SMPD2: variants seen among roughly 807,000 people sequenced by gnomAD.
The protein encoded by SMPD2 is sphingomyelin phosphodiesterase 2, also known as N-SMase.
A neutral mutation model predicts 41.7 loss-of-function variants in SMPD2; 35 were observed. The ratio of observed to expected loss-of-function variants is 0.84; its 90% CI spans 0.64 to 1.11. SMPD2 has a LOEUF of 1.11. Among genes scored for constraint, SMPD2 ranks in the 50% most tolerant of loss-of-function variants. The pLI, the probability that SMPD2 is intolerant of heterozygous loss-of-function variation, is 0.00. For missense variants in SMPD2, 520 were observed against 524.8 expected (o/e 0.99, Z 0.09); for synonymous variants, 201 against 208.2 (o/e 0.97, Z 0.30).
chr6:109,443,715 G>A lies in SMPD2; in HGVS notation c.1082G>A (p.Ser361Asn), dbSNP rs772779104. 3.1e-6 allele frequency: 5 copies of A among 1,613,960 alleles called. No individual in the cohort carries two copies. The highest frequency in any genetic ancestry group is 4.2e-6 in the Non-Finnish European group (5 of 1,179,952). The change falls in exon 10 of 10, where the codon AGT (serine) becomes AAT (asparagine). Residue 361 changes from serine to asparagine, a missense_variant. Transcript: ENST00000258052. ...GCTGCCATACTGCTCTGGACCCCCA[G>A]TGTAGGGCTGGTGCTGTGGGCAGGT... ...GEAAILLWTP[S>N]VGLVLWAGAF... is the part of the protein sequence containing the mutation.
rs1775008233 is a variant in SMPD2, at chr6:109,442,994, C to A, written c.642C>A (p.Asn214Lys). ...TRDFKGSEEG[N>K]TMVPKNCYVS... ...TCCCTTAGGGCTCTGAGGAAGGCAA[C>A]ACAATGGTACCCAAGAACTGCTACG... Residue 214 changes from asparagine (N) to lysine (K), a missense_variant, in exon 8 of 10, where the codon AAC (asparagine) becomes AAA (lysine). Transcript: ENST00000258052. The A allele has an allele frequency of 6.2e-7, 1 of 1,614,196 alleles. No individual in the cohort carries two copies. Among genetic ancestry groups the A allele is most frequent in the African/African-American group, 1.3e-5 (1 of 75,058 alleles).
rs1447653860 is a variant in SMPD2, at chr6:109,442,582, G to C, written c.448G>C (p.Ala150Pro). Residue 150 changes from alanine to proline, a missense_variant, in exon 6 of 10, where the codon GCA becomes CCA. Transcript: ENST00000258052. ...CAATCGACAGAAGGACATCTACCTA[G>C]CACATCGTGTGGCCCAAGCTTGGGA... is the stretch of plus-strand genomic sequence containing the variant. ...EYNRQKDIYL[A>P]HRVAQAWELA... 1 of 1,614,140 alleles carries C rather than the reference G, an allele frequency of 6.2e-7. No individual in the cohort carries two copies. Among genetic ancestry groups the C allele is most frequent in the East Asian group, 2.2e-5 (1 of 44,874 alleles).
chr6:109,443,667 C>T lies in SMPD2; in HGVS notation c.1034C>T (p.Ala345Val), dbSNP rs754891794. The change falls in exon 10 of 10, where the codon GCG becomes GTG. Residue 345 changes from alanine to valine, a missense_variant. Coordinates refer to ENST00000258052, the MANE Select transcript of SMPD2 (RefSeq NM_003080.3). ...CTCCTGGCACTGCTGTGTGTCCTGGCGGCTGGAGGAGGGGCCGGGGAAGCT... is the reference window on the plus strand; with the variant it reads ...CTCCTGGCACTGCTGTGTGTCCTGGTGGCTGGAGGAGGGGCCGGGGAAGCT... ...LLLLALLCVL[A>V]AGGGAGEAAI... 37 of 1,612,704 alleles carry T rather than the reference C, an allele frequency of 2.3e-5. No homozygotes were observed. The highest frequency in any genetic ancestry group is 4.1e-5 in the African/African-American group (3 of 73,858).
In SMPD2 at chr6:109,443,523, CAG is replaced by C. The variant is rs1300382271; in HGVS notation, c.895_896del (p.Arg299ValfsTer29). 6.8e-6 allele frequency: 11 copies of C among 1,609,658 alleles called. No individual in the cohort carries two copies. Among genetic ancestry groups the C allele is most frequent in the Admixed American group, 3.3e-5 (2 of 59,886 alleles). ...CTGCCCTGCTCTGTTGTAGGACCAG[CAG>C]AGAGGTCGCCGTTGATGTGTGTGCT... is the stretch of plus-strand genomic sequence containing the variant. On this transcript the variant is annotated frameshift_variant, in exon 10 of 10. Transcript: ENST00000258052. LOFTEE classifies it low-confidence loss of function (END_TRUNC).
rs1238894106 is a variant in SMPD2, at chr6:109,442,198, TCCTG to T, written c.319-6_319-3del. ...GGCGGTGCCCTGAGTTTCTATCTCCTCCTGCCTGCAGATCCATCATGGTGACTGG... is the reference window on the plus strand; with the variant it reads ...GGCGGTGCCCTGAGTTTCTATCTCCTCCTGCAGATCCATCATGGTGACTGG... On this transcript the variant is annotated splice_region_variant and splice_polypyrimidine_tract_variant and intron_variant, in intron 4 of 9. Transcript: ENST00000258052. 10 of 1,613,792 alleles carry T rather than the reference TCCTG, an allele frequency of 6.2e-6. No homozygotes were observed. Among genetic ancestry groups the T allele is most frequent in the African/African-American group, 1.3e-5 (1 of 74,922 alleles).
chr6:109,441,219 C>A, intron 1 of SMPD2, 48 bp downstream of exon 1: 1 of 1,608,390 alleles, frequency 6.2e-7, no homozygotes, highest in Non-Finnish European at 8.5e-7. Flanking sequence ...TCCGTTCGCA[C>A]CCATGCAGCC....
intron 5 of SMPD2, 21 bp downstream of exon 5, chr6:109,442,320 C>G (rs755756820): frequency 3.7e-6 from 6 of 1,607,640 alleles, no homozygotes; most frequent in Non-Finnish European, 5.1e-6. Context: ...CTGGCAGTGC[C>G]TAGGGCTGGG....
At position 109,440,880 on chromosome 6, in the gene SMPD2, G is replaced by T. The variant is rs1041836725; in HGVS notation, c.-242G>T. On this transcript the variant is annotated 5_prime_UTR_variant, in exon 1 of 10. Coordinates refer to ENST00000258052, the MANE Select transcript of SMPD2 (RefSeq NM_003080.3). ...CGGCCCTTACCGAGCCTGGGCGCCC[G>T]GATTTCGGCAGCGGATCGCCTTTCC... The T allele has an allele frequency of 1.8e-6, 1 of 542,182 alleles. No homozygotes were observed. Among genetic ancestry groups the T allele is most frequent in the Non-Finnish European group, 3.2e-6 (1 of 314,040 alleles). 33.6% of individuals were successfully genotyped at this position (542,182 alleles called of 1,614,324 possible).
intron 9 of SMPD2, 29 bp from the exon 10 acceptor site, chr6:109,443,487 CT>C: frequency 6.2e-7 from 1 of 1,608,654 alleles, no homozygotes; most frequent in Non-Finnish European, 8.5e-7. Context: ...TCTTGACTCT[CT>C]CCTGCCCCAC....
chr6:109,441,234 T>A (rs1774862586), intron 1 of SMPD2, 63 bp downstream of exon 1: 3 of 1,595,524 alleles, frequency 1.9e-6, no homozygotes, highest in Non-Finnish European at 2.6e-6. Context: ...GCAGCCTTCC[T>A]CCCCCTATCC....
chr6:109,443,238 A>G, intron 8 of SMPD2, 29 bp from the exon 9 acceptor site: 4 of 1,609,482 alleles, frequency 2.5e-6, no homozygotes, highest in African/African-American at 1.3e-5. Context: ...CTCATATATA[A>G]GCTTCTCTCT....
chr6:109,441,733 C>A, intron 3 of SMPD2, 105 bp downstream of exon 3: 1 of 1,093,092 alleles, frequency 9.1e-7, no homozygotes, highest in Non-Finnish European at 1.4e-6. Context: ...CCAGCCTCCT[C>A]TCCCTCTGGA....
At chr6:109,442,175 C>T (rs370641397) in intron 4 of SMPD2, 35 bp from the exon 5 acceptor site, 85 of 1,603,614 alleles carry the variant, frequency 5.3e-5, no homozygotes, top group Non-Finnish European at 6.7e-5. Flanking sequence ...AAGATGGTGG[C>T]GGTGCCCTGA....
chr6:109,443,038 A>T lies in SMPD2; in HGVS notation c.686A>T (p.Lys229Met), dbSNP rs145532915. 4.8e-5 allele frequency: 77 copies of T among 1,614,090 alleles called. No homozygotes were observed. In the African/African-American group the frequency reaches 9.7e-4, roughly 20 times the overall value. ...KNCYVSQQEL[K>M]PFPFGVRIDY... is the part of the protein sequence containing the mutation. ...TGCTACGTCAGCCAGCAGGAGCTGA[A>T]GCCATTTCCCTTTGGTGTCCGCATT... Residue 229 changes from lysine to methionine, a missense_variant, in exon 8 of 10, where the codon AAG becomes ATG. By Grantham distance (95) the Lys-to-Met change is moderately conservative. Coordinates refer to ENST00000258052, the MANE Select transcript of SMPD2 (RefSeq NM_003080.3).
chr6:109,441,816 C>A, intron 3 of SMPD2, 158 bp from the exon 4 acceptor site: 1 of 306,882 alleles, frequency 3.3e-6, no homozygotes, highest in Non-Finnish European at 4.8e-6. Flanking sequence ...TTTCTGGCTG[C>A]CCTATACTCC....
At chr6:109,441,289 T>A in intron 1 of SMPD2, 68 bp from the exon 2 acceptor site, 1 of 1,585,150 alleles carries the variant, frequency 6.3e-7, no homozygotes, top group Non-Finnish European at 8.7e-7. Context: ...ACCTCCAAAG[T>A]CCACATCTGG....
chr6:109,441,793 A>G (rs1180436394), intron 3 of SMPD2, among the ~76,000 whole-genome samples, 165 bp downstream of exon 3: 1 of 152,172 alleles, frequency 6.6e-6, no homozygotes, highest in Non-Finnish European at 1.5e-5. Flanking sequence ...ACTTCAGCCC[A>G]TTTCAGCTTT....
chr6:109,441,561 G>A lies in SMPD2; in HGVS notation c.157G>A (p.Glu53Lys), dbSNP rs1324690312. 1 of 1,614,070 alleles carries A rather than the reference G, an allele frequency of 6.2e-7. No homozygotes were observed. The highest frequency in any genetic ancestry group is 8.5e-7 in the Non-Finnish European group (1 of 1,180,024). Reference sequence around the variant, plus strand: ...TCACCGCTTCCCTCAGGTGTGGAGTGAGCAGGACTTCCAGTACCTGAGACA... The same window carrying A: ...TCACCGCTTCCCTCAGGTGTGGAGTAAGCAGGACTTCCAGTACCTGAGACA... ...DLALLEEVWS[E>K]QDFQYLRQKL... is the part of the protein sequence containing the mutation. The change falls in exon 3 of 10, where the codon GAG becomes AAG. Residue 53 changes from glutamate to lysine, a missense_variant. Coordinates refer to ENST00000258052, the MANE Select transcript of SMPD2 (RefSeq NM_003080.3).
At position 109,442,562 on chromosome 6, in the gene SMPD2, G is replaced by T. The variant is rs761334019; in HGVS notation, c.428G>T (p.Arg143Leu). The change falls in exon 6 of 10, where the codon CGA becomes CTA. Residue 143 changes from arginine to leucine, a missense_variant. Transcript: ENST00000258052. ...YVTHLHAEYN[R>L]QKDIYLAHRV... The stretch of plus-strand genomic sequence containing the variant: ...GCTCAGCTCCATGCCGAATACAATC[G>T]ACAGAAGGACATCTACCTAGCACAT... 1.2e-6 allele frequency: 2 copies of T among 1,613,454 alleles called. No homozygotes were observed. The highest frequency in any genetic ancestry group is 2.7e-5 in the African/African-American group (2 of 75,012).
Sources: allele counts gnomAD v4.1 joint callset (sites outside exome capture counted in the v4.1 genomes callset), GRCh38; gene constraint gnomAD v4.1.1; transcripts MANE v1.5; gene names NCBI Gene and HGNC (gene_info 2026-07-23, HGNC 2026-07-21).